Variants in PTPRD observed in about 807,000 individuals in gnomAD.
PTPRD encodes protein tyrosine phosphatase receptor type D.
A neutral mutation model predicts 214.5 loss-of-function variants in PTPRD; 34 were observed. That is an observed-to-expected ratio of 0.16 (90% CI 0.12 to 0.21). PTPRD has a LOEUF of 0.21. Ranked by LOEUF, PTPRD falls within the 10% of genes least tolerant of loss-of-function variation. The pLI is 1.00. For missense variants in PTPRD, 2,545 were observed against 2,398.7 expected (o/e 1.06, Z -1.27); for synonymous variants, 1,128 against 845.7 (o/e 1.33, Z -5.79).
chr9:9,596,305 C>G (rs573466072), intron 7 of PTPRD, among the ~76,000 whole-genome samples: 1 of 151,812 alleles, frequency 6.6e-6, no homozygotes, highest in African/African-American at 2.4e-5. Context: ...AATAGTAATT[C>G]TTTATGTGTA....
At chr9:8,445,052 A>T (rs1420110924) in intron 34 of PTPRD, among the ~76,000 whole-genome samples, 2 of 152,078 alleles carry the variant, frequency 1.3e-5, no homozygotes, top group African/African-American at 4.8e-5. Context: ...AATTCCAGTA[A>T]ACTCCTCTAC....
chr9:8,614,739 G>A (rs1268904132), intron 14 of PTPRD, among the ~76,000 whole-genome samples: 1 of 152,084 alleles, frequency 6.6e-6, no homozygotes, highest in Non-Finnish European at 1.5e-5. Context: ...AAAGACATGA[G>A]ACACAAGACA....
intron 5 of PTPRD, among the ~76,000 whole-genome samples, chr9:9,837,908 T>A (rs1183926486): frequency 6.6e-6 from 1 of 152,182 alleles, no homozygotes. Context: ...CCTAATGTTA[T>A]CCCTCCCCAC....
At position 9,197,896 on chromosome 9, in the gene PTPRD, T is replaced by C. The variant is rs184604427; in HGVS notation, c.-202-14533A>G. On this transcript the variant is annotated intron_variant, in intron 9 of 45. Coordinates refer to ENST00000381196, the MANE Select transcript of PTPRD (RefSeq NM_002839.4). Reference sequence around the variant, plus strand: ...GTCCACACAAGCTTCAGGAAAATAATTGGCTCACCACTCTATCAGACATTG... The same window carrying C: ...GTCCACACAAGCTTCAGGAAAATAACTGGCTCACCACTCTATCAGACATTG... Among the ~76,000 whole-genome samples, 14 of 152,318 alleles carry C rather than the reference T, an allele frequency of 9.2e-5. No homozygotes were observed. The East Asian group carries it at 2.3e-3, about 25-fold the overall frequency.
At chr9:8,672,271 A>T (rs1036703867) in intron 12 of PTPRD, among the ~76,000 whole-genome samples, 3 of 152,214 alleles carry the variant, frequency 2.0e-5, no homozygotes, top group Non-Finnish European at 4.4e-5. Flanking sequence ...CTAATTAAAC[A>T]GAATGAGATT....
intron 14 of PTPRD, among the ~76,000 whole-genome samples, chr9:8,633,020 A>C (rs1048072266): frequency 6.6e-6 from 1 of 151,972 alleles, no homozygotes; most frequent in African/African-American, 2.4e-5. Context: ...CATATAAAAG[A>C]GTACCATATC....
chr9:8,669,661 G>C (rs2097240417), intron 12 of PTPRD, among the ~76,000 whole-genome samples: 1 of 152,142 alleles, frequency 6.6e-6, no homozygotes, highest in Non-Finnish European at 1.5e-5. Flanking sequence ...GACCTTTTAG[G>C]ATACAGTAAA....
At chr9:9,769,760 G>T (rs1236642485) in intron 5 of PTPRD, among the ~76,000 whole-genome samples, 1 of 151,150 alleles carries the variant, frequency 6.6e-6, no homozygotes, top group Non-Finnish European at 1.5e-5. Flanking sequence ...CCCTCCCCTA[G>T]CCCCCCACCC....
intron 4 of PTPRD, among the ~76,000 whole-genome samples, chr9:9,974,217 C>T (rs554231713): frequency 1.3e-5 from 2 of 152,222 alleles, no homozygotes; most frequent in Non-Finnish European, 2.9e-5. Context: ...GATTACATAG[C>T]CTCAGTGTTT....
At chr9:9,386,370 G>C (rs934928733) in intron 9 of PTPRD, among the ~76,000 whole-genome samples, 6 of 152,088 alleles carry the variant, frequency 3.9e-5, no homozygotes, top group African/African-American at 1.4e-4. Flanking sequence ...AATGCCTCTG[G>C]TATGTCAAGC....
intron 8 of PTPRD, among the ~76,000 whole-genome samples, chr9:9,470,682 C>T (rs953058128): frequency 6.6e-6 from 1 of 152,144 alleles, no homozygotes; most frequent in Non-Finnish European, 1.5e-5. Flanking sequence ...AAGAAATCTA[C>T]ATTCTCTACT....
chr9:9,536,970 C>T (rs186045019), intron 8 of PTPRD, among the ~76,000 whole-genome samples: 139 of 152,036 alleles, frequency 9.1e-4, no homozygotes, highest in Admixed American at 2.0e-3. Flanking sequence ...TACGTATCAG[C>T]CTTTTTCATC....
At chr9:8,754,445 C>T (rs28499282) in intron 11 of PTPRD, among the ~76,000 whole-genome samples, 7,689 of 152,150 alleles carry the variant, frequency 0.051, 483 homozygotes, top group African/African-American at 0.15. Flanking sequence ...TAGAAACAGA[C>T]CCACCCATAT....
intron 2 of PTPRD, among the ~76,000 whole-genome samples, chr9:10,524,389 T>G (rs2053569613): frequency 6.6e-6 from 1 of 152,118 alleles, no homozygotes; most frequent in Non-Finnish European, 1.5e-5. Flanking sequence ...TTTTATTTTT[T>G]AATTTTAAGC....
At chr9:10,513,175 T>C (rs1203987957) in intron 2 of PTPRD, among the ~76,000 whole-genome samples, 1 of 151,904 alleles carries the variant, frequency 6.6e-6, no homozygotes, top group African/African-American at 2.4e-5. Flanking sequence ...TTTATGATTG[T>C]GTGTGTATGT....
chr9:9,231,306 C>T (rs2099962961), intron 9 of PTPRD, among the ~76,000 whole-genome samples: 1 of 152,074 alleles, frequency 6.6e-6, no homozygotes, highest in Admixed American at 6.6e-5. Context: ...GCATTCTTAA[C>T]TCTTTGGCTG....
chr9:9,911,179 G>A (rs1377071653), intron 5 of PTPRD, among the ~76,000 whole-genome samples: 1 of 151,992 alleles, frequency 6.6e-6, no homozygotes, highest in Non-Finnish European at 1.5e-5. Context: ...GCTTTAGTTT[G>A]TTTGGGAAGG....
chr9:9,005,236 T>C (rs1175757308), intron 11 of PTPRD, among the ~76,000 whole-genome samples: 2 of 152,026 alleles, frequency 1.3e-5, no homozygotes, highest in African/African-American at 4.8e-5. Flanking sequence ...TGCTAGGCAT[T>C]TTGAATGATA....
chr9:10,319,507 A>AT (rs2096511841), intron 3 of PTPRD, among the ~76,000 whole-genome samples: 2 of 152,180 alleles, frequency 1.3e-5, no homozygotes, highest in South Asian at 2.1e-4. Flanking sequence ...TCTGGATCAT[A>AT]TTTTTTGTAA....
Sources: gnomAD v4.1 joint callset for allele counts (sites outside exome capture counted in the v4.1 genomes callset) on GRCh38, gnomAD v4.1.1 for gene constraint, MANE v1.5 for transcripts, NCBI Gene and HGNC (gene_info 2026-07-23, HGNC 2026-07-21) for gene names.